KIAA1614: variants seen among roughly 807,000 people sequenced by gnomAD.
KIAA1614 encodes the protein uncharacterized protein KIAA1614.
KIAA1614 carries 76 observed loss-of-function variants against 88.7 expected under a neutral mutation model. That is an observed-to-expected ratio of 0.86 (90% CI 0.71 to 1.04). The LOEUF (loss-of-function observed/expected upper bound fraction) is 1.04. Among genes scored for constraint, KIAA1614 ranks in the 50% least tolerant of loss-of-function variants. The pLI is 0.00. For missense variants in KIAA1614, 1,553 were observed against 1,582.5 expected (o/e 0.98, Z 0.32); for synonymous variants, 714 against 675.5 (o/e 1.06, Z -0.88).
At position 180,913,154 on chromosome 1, in the gene KIAA1614, C is replaced by T. The variant is rs916750660; in HGVS notation, c.-90C>T. On this transcript the variant is annotated 5_prime_UTR_variant, in exon 1 of 9. Transcript: ENST00000367588. ...GGCCTGCGGGCCGCACTCCCTCCGGCCCCGGATTCGGGGCTGGAAGTCCCT... is the reference window on the plus strand; with the variant it reads ...GGCCTGCGGGCCGCACTCCCTCCGGTCCCGGATTCGGGGCTGGAAGTCCCT... 21 of 1,054,988 alleles carry T rather than the reference C, an allele frequency of 2.0e-5. No individual in the cohort carries two copies. The Admixed American group carries it at 3.9e-4, about 20-fold the overall frequency. 65.4% of individuals were successfully genotyped at this position (1,054,988 alleles called of 1,614,324 possible).
rs148628026 is a variant in KIAA1614, at chr1:180,944,781, C to A, written c.3287+265C>A. 5.6e-3 allele frequency: 1,845 copies of A among 327,360 alleles called. 11 individuals carry two copies. Among genetic ancestry groups the A allele is most frequent in the Admixed American group, 7.9e-3 (177 of 22,482 alleles). 20.3% of individuals were successfully genotyped at this position (327,360 alleles called of 1,614,324 possible). A position where few individuals can be genotyped will look rare whatever the true frequency, so the allele number is the denominator to read the frequency against. ...TGGCCGGTTTGATTCCACTGTCCCT[C>A]TGCTGTGCAATGACATCTTGAAATC... On this transcript the variant is annotated intron_variant, in intron 8 of 8. Coordinates refer to ENST00000367588, the MANE Select transcript of KIAA1614 (RefSeq NM_020950.2).
rs1654329374 is a variant in KIAA1614 at position 180,936,204 on chromosome 1, G to C, written c.2295G>C (p.Gln765His). Residue 765 changes from glutamine to histidine, a missense_variant, in exon 5 of 9, where the codon CAG becomes CAC. Coordinates refer to ENST00000367588, the MANE Select transcript of KIAA1614 (RefSeq NM_020950.2). ...PESSGPGGQA[Q>H]VTESHESLEI... ...CATCGGGGCCAGGAGGCCAGGCCCA[G>C]GTTACAGAAAGCCACGAGTCCCTGG... is the stretch of plus-strand genomic sequence containing the variant. The C allele has an allele frequency of 6.2e-7, 1 of 1,614,074 alleles. No individual in the cohort carries two copies.
intron 1 of KIAA1614, 152 bp downstream of exon 1, chr1:180,913,445 C>G (rs1197351436): frequency 2.4e-6 from 1 of 417,746 alleles, no homozygotes; most frequent in Non-Finnish European, 4.0e-6. Flanking sequence ...CCGCCCTTCA[C>G]GTCCATCTTC....
chr1:180,940,630 CTTTCT>C (rs779788428), intron 6 of KIAA1614, among the ~76,000 whole-genome samples: 44 of 151,908 alleles, frequency 2.9e-4, no homozygotes, highest in Admixed American at 1.2e-3. Context: ...TCTTTTTTTT[CTTTCT>C]TTTCTTTTCT....
chr1:180,913,422 G>T, intron 1 of KIAA1614, 129 bp downstream of exon 1: 1 of 494,164 alleles, frequency 2.0e-6, no homozygotes, highest in Non-Finnish European at 3.2e-6. Flanking sequence ...AGCTGGAAGG[G>T]TCGTGGGGAG....
chr1:180,931,271 A>C (rs1035170152), intron 4 of KIAA1614, among the ~76,000 whole-genome samples: 2 of 152,098 alleles, frequency 1.3e-5, no homozygotes, highest in African/African-American at 4.8e-5. Context: ...GGAGGGTGAC[A>C]CTGTAAGTGG....
At chr1:180,937,969 C>T (rs1315948689) in intron 5 of KIAA1614, among the ~76,000 whole-genome samples, 2 of 152,180 alleles carry the variant, frequency 1.3e-5, no homozygotes, top group Non-Finnish European at 2.9e-5. Flanking sequence ...CTCGGCGAGT[C>T]CCTCAGTCCC....
chr1:180,922,746 T>C (rs1019857732), intron 3 of KIAA1614, among the ~76,000 whole-genome samples: 8 of 152,176 alleles, frequency 5.3e-5, no homozygotes, highest in Admixed American at 4.6e-4. Context: ...GTGCAGATGT[T>C]TCCCACCCGC....
Position 180,926,682 on chromosome 1 carries a change from C to T in KIAA1614, c.1062-1748C>T, listed in dbSNP as rs187106675. 4.6e-5 allele frequency among the ~76,000 whole-genome samples: 7 copies of T among 152,334 alleles called. No individual in the cohort carries two copies. The East Asian group carries it at 5.8e-4, about 13-fold the overall frequency. Reference sequence around the variant, plus strand: ...AACCACAGCTGTCACCGGAAGGCTCCGAGTGTGCGGGCTGGCAGCCAGAGG... The same window carrying T: ...AACCACAGCTGTCACCGGAAGGCTCTGAGTGTGCGGGCTGGCAGCCAGAGG... On this transcript the variant is annotated intron_variant, in intron 3 of 8. Transcript: ENST00000367588.
At chr1:180,918,478 G>C (rs1351687900) in intron 3 of KIAA1614, among the ~76,000 whole-genome samples, 2 of 152,176 alleles carry the variant, frequency 1.3e-5, no homozygotes, top group Non-Finnish European at 2.9e-5. Context: ...AATTGGGGCT[G>C]CCTGTCCTTC....
chr1:180,917,238 C>T, intron 2 of KIAA1614, 138 bp downstream of exon 2: 1 of 676,290 alleles, frequency 1.5e-6, no homozygotes, highest in Non-Finnish European at 2.5e-6. Context: ...TCATCAAAAT[C>T]ATCAGGATGG....
chr1:180,927,128 GC>G (rs1424247770), intron 3 of KIAA1614, among the ~76,000 whole-genome samples: 3 of 152,132 alleles, frequency 2.0e-5, no homozygotes, highest in African/African-American at 7.2e-5. Flanking sequence ...AGGCCTCAGA[GC>G]TGTGCCATTT....
intron 6 of KIAA1614, among the ~76,000 whole-genome samples, chr1:180,939,561 T>C (rs1370027613): frequency 6.6e-6 from 1 of 152,126 alleles, no homozygotes; most frequent in African/African-American, 2.4e-5. Flanking sequence ...CTCCCACCAC[T>C]TCTCCTGGCC....
At position 180,938,567 on chromosome 1, in the gene KIAA1614, G is replaced by A. The variant is rs368897390; in HGVS notation, c.2774G>A (p.Gly925Asp). The change falls in exon 6 of 9, where the codon GGC becomes GAC. Residue 925 changes from glycine (G) to aspartate (D), a missense_variant. Physicochemically the swap from Gly to Asp is moderately conservative, Grantham distance 94 (BLOSUM62 -1). Coordinates refer to ENST00000367588, the MANE Select transcript of KIAA1614 (RefSeq NM_020950.2). ...GTGCTTGTTTCAGGAGGACCCCAGGGCTTTCTTGGCTCAGCAGATGTTGCC... is the reference window on the plus strand; with the variant it reads ...GTGCTTGTTTCAGGAGGACCCCAGGACTTTCTTGGCTCAGCAGATGTTGCC... Reference protein sequence around the residue: ...LENSRDGGPQGFLGSADVATI... With the variant: ...LENSRDGGPQDFLGSADVATI... The A allele has an allele frequency of 1.2e-6, 2 of 1,613,942 alleles. No individual in the cohort carries two copies. The highest frequency in any genetic ancestry group is 1.7e-5 in the Admixed American group (1 of 59,988).
intron 3 of KIAA1614, among the ~76,000 whole-genome samples, chr1:180,924,931 T>C (rs1375008842): frequency 1.0e-5 from 1 of 95,430 alleles, no homozygotes; most frequent in Non-Finnish European, 2.4e-5. Flanking sequence ...TGTGGACTCT[T>C]ACCAAGTGCC....
At chr1:180,928,866 G>A (rs1654133162) in intron 4 of KIAA1614, among the ~76,000 whole-genome samples, 1 of 152,234 alleles carries the variant, frequency 6.6e-6, no homozygotes, top group Non-Finnish European at 1.5e-5. Context: ...CAATTATGTG[G>A]ACTGTGGTGT....
intron 3 of KIAA1614, among the ~76,000 whole-genome samples, chr1:180,922,449 G>A (rs1230529121): frequency 1.3e-5 from 2 of 152,040 alleles, no homozygotes; most frequent in African/African-American, 4.8e-5. Context: ...GGGAGGGCGG[G>A]TCCCGATCTT....
chr1:180,930,363 G>A (rs1379725289), intron 4 of KIAA1614, among the ~76,000 whole-genome samples: 2 of 149,942 alleles, frequency 1.3e-5, no homozygotes, highest in African/African-American at 2.5e-5. Context: ...AGGTTGCAGC[G>A]AGCCGAGATC....
At position 180,935,139 on chromosome 1, in the gene KIAA1614, GGA is replaced by G. The variant is rs1180383813; in HGVS notation, c.1231_1232del (p.Asp411ProfsTer42). The stretch of plus-strand genomic sequence containing the variant: ...GAGATGGCCACAGAAGCCCAGCCCG[GGA>G]CCCCAGGACGACCCCTGCCTGCAGA... Reference protein sequence around the residue: ...SRDGHRSPARDPRTTPACRDS... With the variant: ...SRDGHRSPARXPRTTPACRDS... On this transcript the variant is annotated frameshift_variant, in exon 5 of 9. Coordinates refer to ENST00000367588, the MANE Select transcript of KIAA1614 (RefSeq NM_020950.2). LOFTEE classifies it high-confidence loss of function. The surrounding 1 kb of genome is among the most constrained non-coding windows in gnomAD (Gnocchi z 6.1). 1 of 1,441,986 alleles carries G rather than the reference GGA, an allele frequency of 6.9e-7. No homozygotes were observed. The highest frequency in any genetic ancestry group is 2.8e-5 in the Admixed American group (1 of 35,720). The allele number at this position is 1,441,986 out of a possible 1,614,324, so 89.3% of individuals were successfully genotyped here. A position where few individuals can be genotyped will look rare whatever the true frequency, so the allele number is the denominator to read the frequency against.
Sources: allele counts gnomAD v4.1 joint callset (sites outside exome capture counted in the v4.1 genomes callset), GRCh38; gene constraint gnomAD v4.1.1; non-coding constraint Gnocchi (gnomAD v3.1); transcripts MANE v1.5; gene names NCBI Gene and HGNC (gene_info 2026-07-23, HGNC 2026-07-21).